EDAR: variants seen among roughly 807,000 people sequenced by gnomAD.
EDAR encodes tumor necrosis factor receptor superfamily member EDAR.
Under a neutral mutation model 51.3 loss-of-function variants are expected in EDAR, and 38 were observed. That is an observed-to-expected ratio of 0.74 (90% CI 0.57 to 0.97). The LOEUF is 0.97. EDAR is among the 50% of genes least tolerant of loss of function. The pLI is 0.00. For missense variants in EDAR, 528 were observed against 595.0 expected, an observed-to-expected ratio of 0.89 and a Z score of 1.17; for synonymous variants, 227 against 242.1, an observed-to-expected ratio of 0.94 and a Z score of 0.58.
chr2:108,954,146 T>C (rs965929203), intron 1 of EDAR, among the ~76,000 whole-genome samples: 8 of 152,142 alleles, frequency 5.3e-5, no homozygotes, highest in African/African-American at 1.9e-4. Context: ...ACCACCTTCT[T>C]ATAAAATCCT....
chr2:108,911,115 C>T, intron 6 of EDAR, 43 bp from the exon 7 acceptor site: 1 of 1,613,200 alleles, frequency 6.2e-7, no homozygotes, highest in Non-Finnish European at 8.5e-7. Flanking sequence ...AGCTCAGGAT[C>T]CCTGCTGGTC....
chr2:108,938,551 C>T (rs73952560), intron 1 of EDAR, among the ~76,000 whole-genome samples: 2,286 of 152,212 alleles, frequency 0.015, 29 homozygotes, highest in South Asian at 0.03. Context: ...TTATCCTCAT[C>T]CCAATGTCCT....
At chr2:108,968,119 T>C (rs1698179088) in intron 1 of EDAR, among the ~76,000 whole-genome samples, 1 of 152,154 alleles carries the variant, frequency 6.6e-6, no homozygotes, top group African/African-American at 2.4e-5. Flanking sequence ...CACCTGATTT[T>C]CACAGCCACC....
chr2:108,935,773 G>C (rs1187335903), intron 1 of EDAR, among the ~76,000 whole-genome samples: 1 of 152,158 alleles, frequency 6.6e-6, no homozygotes, highest in Non-Finnish European at 1.5e-5. Flanking sequence ...CCCTAAGGAC[G>C]GTGCCAGACA....
At position 108,894,570 on chromosome 2, in the gene EDAR, G is replaced by A. The variant is rs1170421841; in HGVS notation, c.*2337C>T. On this transcript the variant is annotated 3_prime_UTR_variant, in exon 12 of 12. Coordinates refer to ENST00000258443, the MANE Select transcript of EDAR (RefSeq NM_022336.4). ...GACAATTAAGACTTCACTGTCTAAG[G>A]GCCACAGACCTACCCTGGGGTGTTT... 1 of 152,404 alleles carries A rather than the reference G, an allele frequency of 6.6e-6. No homozygotes were observed. Among genetic ancestry groups the A allele is most frequent in the Non-Finnish European group, 1.5e-5 (1 of 68,016 alleles). The allele number at this position is 152,404 out of a possible 1,614,324, so 9.4% of individuals were successfully genotyped here. A position where few individuals can be genotyped will look rare whatever the true frequency, so the allele number is the denominator to read the frequency against.
chr2:108,919,765 G>A (rs11676284), intron 5 of EDAR, among the ~76,000 whole-genome samples: 386 of 152,298 alleles, frequency 2.5e-3, no homozygotes, highest in African/African-American at 4.9e-3. Flanking sequence ...GTAGGTCAGC[G>A]AGGCTCCGTG....
chr2:108,964,092 A>C lies in EDAR; in HGVS notation c.-19+24868T>G, dbSNP rs188539359. ...TTCTCATGTTAATGAATTCTACTTA[A>C]TTTAAATTTAAACAGACACGTATGG... is the stretch of plus-strand genomic sequence containing the variant. On this transcript the variant is annotated intron_variant, in intron 1 of 11. Transcript: ENST00000258443. Among the ~76,000 whole-genome samples the C allele has an allele frequency of 2.0e-5, 3 of 152,334 alleles. No individual in the cohort carries two copies. In the East Asian group the frequency reaches 5.8e-4, roughly 29 times the overall value.
intron 9 of EDAR, among the ~76,000 whole-genome samples, chr2:108,908,913 C>G (rs1696862166): frequency 6.6e-6 from 1 of 152,038 alleles, no homozygotes. Context: ...CCAGTGGGAC[C>G]CACTTCCTCA....
chr2:108,987,020 G>C (rs1047606950), intron 1 of EDAR, among the ~76,000 whole-genome samples: 1 of 152,172 alleles, frequency 6.6e-6, no homozygotes, highest in Non-Finnish European at 1.5e-5. Context: ...GGATAATTGA[G>C]GCATGCAGGC....
chr2:108,897,060 A>G lies in EDAR; in HGVS notation c.1194T>C (p.Phe398=), dbSNP rs767752758. 3 of 1,614,190 alleles carry G rather than the reference A, an allele frequency of 1.9e-6. No homozygotes were observed. The highest frequency in any genetic ancestry group is 2.2e-5 in the East Asian group (1 of 44,872). The change falls in exon 12 of 12, where the codon TTT becomes TTC. Residue 398 remains phenylalanine, a synonymous_variant. Transcript: ENST00000258443. ...TGTAGCCTGCCGTGCTGATGCGGTC[A>G]AAGAGTTGCATGCCGTCTGTCATGC... ...IGGMTDGMQL[F]DRISTAGYSI...
chr2:108,962,700 A>AAAAAAGAG (rs1558835282), intron 1 of EDAR, among the ~76,000 whole-genome samples: 1 of 128,858 alleles, frequency 7.8e-6, no homozygotes, highest in Non-Finnish European at 1.6e-5. Context: ...AAAAAAAAAA[A>AAAAAAGAG]AGAGAGAAAG....
intron 1 of EDAR, among the ~76,000 whole-genome samples, chr2:108,944,105 C>T (rs1016358087): frequency 4.6e-5 from 7 of 152,190 alleles, no homozygotes; most frequent in Non-Finnish European, 7.3e-5. Flanking sequence ...TGTCTCTGTT[C>T]GGCAGGAATG....
At chr2:108,986,419 T>A (rs994592590) in intron 1 of EDAR, among the ~76,000 whole-genome samples, 2 of 152,122 alleles carry the variant, frequency 1.3e-5, no homozygotes, top group African/African-American at 2.4e-5. Context: ...ATTTTTATAA[T>A]CCCTGGTGGC....
chr2:108,936,843 G>C (rs1697479144), intron 1 of EDAR, among the ~76,000 whole-genome samples: 1 of 152,232 alleles, frequency 6.6e-6, no homozygotes, highest in Non-Finnish European at 1.5e-5. Context: ...GAGGAAAGCA[G>C]AGAAGGTAGC....
At chr2:108,986,556 T>G (rs1698505367) in intron 1 of EDAR, among the ~76,000 whole-genome samples, 1 of 152,194 alleles carries the variant, frequency 6.6e-6, no homozygotes, top group Non-Finnish European at 1.5e-5. Context: ...TACTGAGTGC[T>G]AACCTAGACC....
At chr2:108,980,339 G>A (rs1698398140) in intron 1 of EDAR, among the ~76,000 whole-genome samples, 1 of 152,052 alleles carries the variant, frequency 6.6e-6, no homozygotes, top group Admixed American at 6.6e-5. Context: ...AGCCCCCTTG[G>A]GAGGCTCTGG....
chr2:108,973,377 G>A (rs1698268316), intron 1 of EDAR, among the ~76,000 whole-genome samples: 1 of 152,194 alleles, frequency 6.6e-6, no homozygotes. Context: ...CAGGAGGGCG[G>A]TGCAGAGAGA....
chr2:108,935,662 G>A (rs955204564), intron 1 of EDAR, among the ~76,000 whole-genome samples: 3 of 151,500 alleles, frequency 2.0e-5, no homozygotes, highest in Non-Finnish European at 2.9e-5. Flanking sequence ...ACACACACAC[G>A]CAGACTCTGC....
chr2:108,902,268 TG>T (rs1696715027), intron 11 of EDAR, among the ~76,000 whole-genome samples: 1 of 151,792 alleles, frequency 6.6e-6, no homozygotes, highest in South Asian at 2.1e-4. Context: ...CCCAGCTACT[TG>T]GGAGGCTGAG....
Sources: allele counts gnomAD v4.1 joint callset (sites outside exome capture counted in the v4.1 genomes callset), GRCh38; gene constraint gnomAD v4.1.1; transcripts MANE v1.5; gene names NCBI Gene and HGNC (gene_info 2026-07-23, HGNC 2026-07-21).